Variants in IL13 observed in about 807,000 individuals in gnomAD.
The protein encoded by IL13 is interleukin-13.
In IL13, 9 loss-of-function variants were observed where a neutral mutation model predicts 11.1. That is an observed-to-expected ratio of 0.81 (90% confidence interval 0.49 to 1.42). The LOEUF is 1.42. Ranked by LOEUF, IL13 falls within the 40% of genes most tolerant of loss-of-function variation. The pLI, the probability that IL13 is intolerant of heterozygous loss-of-function variation, is 0.00. For synonymous variants in IL13, 75 were observed against 76.9 expected, an observed-to-expected ratio of 0.97 and a Z score of 0.13; for missense variants, 181 against 182.5, an observed-to-expected ratio of 0.99 and a Z score of 0.05.
In IL13 at chr5:132,659,970, G is replaced by GGGATTTACA; in HGVS notation, c.333+147_333+155dup. ...TTGTGGCAGCAGGGACGTGGCCTTCGGGATTTACAGGATCTGGGCTCAAGG... is the reference window on the plus strand; with the variant it reads ...TTGTGGCAGCAGGGACGTGGCCTTCGGGATTTACAGGATTTACAGGATCTGGGCTCAAGG... On this transcript the variant is annotated intron_variant, in intron 3 of 3. Transcript: ENST00000304506. The surrounding 1 kb of genome is among the most constrained non-coding windows in gnomAD (Gnocchi z 4.1). The GGGATTTACA allele has an allele frequency of 6.9e-7, 1 of 1,444,662 alleles. No individual in the cohort carries two copies. Among genetic ancestry groups the GGGATTTACA allele is most frequent in the Non-Finnish European group, 9.2e-7 (1 of 1,087,902 alleles). 89.5% of individuals were successfully genotyped at this position (1,444,662 alleles called of 1,614,324 possible). A position where few individuals can be genotyped will look rare whatever the true frequency, so the allele number is the denominator to read the frequency against.
rs1353978957 is a variant in IL13, at chr5:132,660,162, C to G, written c.334-13C>G. ...TGGCGTTCTACTCATGTGCTGACCT[C>G]TTTGTCCTGCAGCAGTTTTCCAGCT... On this transcript the variant is annotated splice_polypyrimidine_tract_variant and intron_variant, in intron 3 of 3. Coordinates refer to ENST00000304506, the MANE Select transcript of IL13 (RefSeq NM_002188.3). The G allele has an allele frequency of 6.2e-7, 1 of 1,613,572 alleles. No homozygotes were observed. Among genetic ancestry groups the G allele is most frequent in the East Asian group, 2.2e-5 (1 of 44,898 alleles).
Position 132,658,240 on chromosome 5 carries a change from G to C in IL13, c.54G>C (p.Leu18Phe). ...TGGCACTGGGCCTCATGGCGCTTTT[G>C]TTGACCACGGTCATTGCTCTCACTT... ...LLLALGLMAL[L>F]LTTVIALTCL... is the part of the protein sequence containing the mutation. Residue 18 changes from leucine to phenylalanine, a missense_variant, in exon 1 of 4, where the codon TTG becomes TTC. By Grantham distance (22) the Leu-to-Phe change is conservative. Transcript: ENST00000304506. 6.2e-7 allele frequency: 1 copy of C among 1,611,740 alleles called. No homozygotes were observed. Among genetic ancestry groups the C allele is most frequent in the Non-Finnish European group, 8.5e-7 (1 of 1,177,838 alleles).
chr5:132,658,463 G>A (rs1752082653), intron 1 of IL13, 103 bp downstream of exon 1: 2 of 666,798 alleles, frequency 3.0e-6, no homozygotes, highest in Admixed American at 3.1e-5. Context: ...GATGCCTGTA[G>A]GTCAGGAAAA....
intron 1 of IL13, chr5:132,658,638 C>A: frequency 2.5e-6 from 1 of 393,372 alleles, no homozygotes; most frequent in Non-Finnish European, 4.6e-6. Context: ...CTCAGCCATT[C>A]CTGAACAGAG....
chr5:132,658,524 C>CCA, intron 1 of IL13, 164 bp downstream of exon 1: 1 of 572,938 alleles, frequency 1.7e-6, no homozygotes, highest in African/African-American at 1.9e-5. Context: ...AGGAGCTGGG[C>CCA]TGGGGGGCTC....
chr5:132,659,238 CT>C lies in IL13; in HGVS notation c.175-179del, dbSNP rs1752099022. The C allele has an allele frequency of 1.6e-6, 1 of 622,400 alleles. No individual in the cohort carries two copies. The highest frequency in any genetic ancestry group is 1.8e-5 in the African/African-American group (1 of 54,664). The allele number at this position is 622,400 out of a possible 1,614,324, so 38.6% of individuals were successfully genotyped here. A position where few individuals can be genotyped will look rare whatever the true frequency, so the allele number is the denominator to read the frequency against. The stretch of plus-strand genomic sequence containing the variant: ...GACCCTAAACAGTGGGACCTCACCC[CT>C]ATGCCTGCTGTTCAAAGCAGAAAAC... On this transcript the variant is annotated intron_variant, in intron 1 of 3. Transcript: ENST00000304506. This position sits in a 1 kb window ranked among gnomAD's most constrained non-coding sequence, Gnocchi z 4.1.
rs1316648430 is a variant in IL13, at chr5:132,659,003, C to A, written c.175-415C>A. ...CATGCTCCTAACTGCAGTGTTCCCT[C>A]ACCATCAGAAGGCAGGGCATTTAAT... On this transcript the variant is annotated intron_variant, in intron 1 of 3. Transcript: ENST00000304506. This position sits in a 1 kb window ranked among gnomAD's most constrained non-coding sequence, Gnocchi z 4.1. The A allele has an allele frequency of 8.7e-6, 2 of 229,134 alleles. No homozygotes were observed. The highest frequency in any genetic ancestry group is 1.8e-5 in the Non-Finnish European group (2 of 112,406). The allele number at this position is 229,134 out of a possible 1,614,324, so 14.2% of individuals were successfully genotyped here.
rs2149873910 is a variant in IL13, at chr5:132,658,247, A to G, written c.61A>G (p.Thr21Ala). 2.5e-6 allele frequency: 4 copies of G among 1,610,836 alleles called. No homozygotes were observed. In the South Asian group the frequency reaches 4.4e-5, roughly 18 times the overall value. The change falls in exon 1 of 4, where the codon ACG (threonine) becomes GCG (alanine). Residue 21 changes from threonine (T) to alanine (A), a missense_variant. Transcript: ENST00000304506. ...ALGLMALLLT[T>A]VIALTCLGGF... ...GGGCCTCATGGCGCTTTTGTTGACC[A>G]CGGTCATTGCTCTCACTTGCCTTGG...
rs757742023 is a variant in IL13, at chr5:132,659,686, CA to C, written c.229-36del. ...TGCAGACTCACAAAAGGCAGCTGCC[CA>C]AGCAGGGCCTGACCCCTCGGTGTCC... On this transcript the variant is annotated intron_variant, in intron 2 of 3. Coordinates refer to ENST00000304506, the MANE Select transcript of IL13 (RefSeq NM_002188.3). The surrounding 1 kb of genome is among the most constrained non-coding windows in gnomAD (Gnocchi z 4.1). The C allele has an allele frequency of 6.2e-7, 1 of 1,606,100 alleles. No homozygotes were observed. Among genetic ancestry groups the C allele is most frequent in the Admixed American group, 1.7e-5 (1 of 59,762 alleles).
chr5:132,658,217 G>A lies in IL13; in HGVS notation c.31G>A (p.Ala11Thr). Residue 11 changes from alanine (A) to threonine (T), a missense_variant, in exon 1 of 4, where the codon GCA (alanine) becomes ACA (threonine). Transcript: ENST00000304506. Reference protein sequence around the residue: MHPLLNPLLLALGLMALLLTT... With the variant: MHPLLNPLLLTLGLMALLLTT... The stretch of plus-strand genomic sequence containing the variant: ...TCCGCTCCTCAATCCTCTCCTGTTG[G>A]CACTGGGCCTCATGGCGCTTTTGTT... 3.1e-6 allele frequency: 5 copies of A among 1,612,260 alleles called. No homozygotes were observed. The African/African-American group carries it at 4.0e-5, about 13-fold the overall frequency.
chr5:132,658,362 TGA>T lies in IL13; in HGVS notation c.174+4_174+5del. ...GTCAACATCACCCAGAACCAGAAGG[TGA>T]GTGTCGGCTAGCCAGGGTCCTAGCT... On this transcript the variant is annotated splice_donor_region_variant and intron_variant, in intron 1 of 3. Coordinates refer to ENST00000304506, the MANE Select transcript of IL13 (RefSeq NM_002188.3). 1 of 1,594,688 alleles carries T rather than the reference TGA, an allele frequency of 6.3e-7. No individual in the cohort carries two copies. Among genetic ancestry groups the T allele is most frequent in the Non-Finnish European group, 8.6e-7 (1 of 1,165,144 alleles).
chr5:132,658,159 G>A (rs199899897), upstream of IL13: 1 of 1,500,046 alleles, frequency 6.7e-7, no homozygotes, highest in Non-Finnish European at 9.1e-7. Flanking sequence ...GCTGCCACAA[G>A]ACGCCAAGGC....
chr5:132,659,186 G>T lies in IL13; in HGVS notation c.175-232G>T. 1.9e-6 allele frequency: 1 copy of T among 533,364 alleles called. No individual in the cohort carries two copies. The highest frequency in any genetic ancestry group is 3.1e-5 in the Admixed American group (1 of 31,996). The allele number at this position is 533,364 out of a possible 1,614,324, so 33.0% of individuals were successfully genotyped here. A position where few individuals can be genotyped will look rare whatever the true frequency, so the allele number is the denominator to read the frequency against. ...GCATGCAGCTTGTCCCTTACTAGTG[G>T]TGTCAATTTTTTTCTCTCAGCTCCA... On this transcript the variant is annotated intron_variant, in intron 1 of 3. Transcript: ENST00000304506. The surrounding 1 kb of genome is among the most constrained non-coding windows in gnomAD (Gnocchi z 4.1).
rs1352788391 is a variant in IL13 at position 132,659,214 on chromosome 5, A to C, written c.175-204A>C. ...TCAATTTTTTTCTCTCAGCTCCAAGACCCTAAACAGTGGGACCTCACCCCT... is the reference window on the plus strand; with the variant it reads ...TCAATTTTTTTCTCTCAGCTCCAAGCCCCTAAACAGTGGGACCTCACCCCT... On this transcript the variant is annotated intron_variant, in intron 1 of 3. Coordinates refer to ENST00000304506, the MANE Select transcript of IL13 (RefSeq NM_002188.3). This position sits in a 1 kb window ranked among gnomAD's most constrained non-coding sequence, Gnocchi z 4.1. The C allele has an allele frequency of 3.5e-6, 2 of 578,914 alleles. No individual in the cohort carries two copies. Among genetic ancestry groups the C allele is most frequent in the Non-Finnish European group, 6.3e-6 (2 of 317,084 alleles). 35.9% of individuals were successfully genotyped at this position (578,914 alleles called of 1,614,324 possible). A position where few individuals can be genotyped will look rare whatever the true frequency, so the allele number is the denominator to read the frequency against.
Position 132,658,347 on chromosome 5 carries a change from C to T in IL13, c.161C>T (p.Thr54Ile). The change falls in exon 1 of 4, where the codon ACC becomes ATC. Residue 54 changes from threonine (T) to isoleucine (I), a missense_variant. Thr to Ile is a moderately conservative substitution (Grantham distance 89, BLOSUM62 -1). Transcript: ENST00000304506. ...RELIEELVNITQNQKAPLCNG... is the reference protein window; with the variant it reads ...RELIEELVNIIQNQKAPLCNG... ...CTCATTGAGGAGCTGGTCAACATCA[C>T]CCAGAACCAGAAGGTGAGTGTCGGC... The T allele has an allele frequency of 1.9e-6, 3 of 1,607,268 alleles. No individual in the cohort carries two copies. Among genetic ancestry groups the T allele is most frequent in the Non-Finnish European group, 2.6e-6 (3 of 1,174,780 alleles).
chr5:132,660,276 C>T lies in IL13; in HGVS notation c.435C>T (p.Phe145=). The part of the protein sequence containing the change: ...HLKKLFREGQ[F]N Reference sequence around the variant, plus strand: ...AGAAACTTTTTCGCGAGGGACAGTTCAACTGAAACTTCGAAAGCATCATTA... The same window carrying T: ...AGAAACTTTTTCGCGAGGGACAGTTTAACTGAAACTTCGAAAGCATCATTA... The change falls in exon 4 of 4, where the codon TTC becomes TTT. Residue 145 remains phenylalanine (F), a synonymous_variant. Coordinates refer to ENST00000304506, the MANE Select transcript of IL13 (RefSeq NM_002188.3). 6.2e-7 allele frequency: 1 copy of T among 1,613,814 alleles called. No individual in the cohort carries two copies. Among genetic ancestry groups the T allele is most frequent in the Non-Finnish European group, 8.5e-7 (1 of 1,179,968 alleles).
chr5:132,658,716 C>A, intron 1 of IL13: 1 of 231,772 alleles, frequency 4.3e-6, no homozygotes, highest in East Asian at 9.9e-5. Flanking sequence ...TTGACCATAA[C>A]AATGCAGCCA....
At position 132,659,021 on chromosome 5, in the gene IL13, C is replaced by G. The variant is rs1752094166; in HGVS notation, c.175-397C>G. 1 of 242,386 alleles carries G rather than the reference C, an allele frequency of 4.1e-6. No individual in the cohort carries two copies. Among genetic ancestry groups the G allele is most frequent in the Non-Finnish European group, 8.3e-6 (1 of 120,076 alleles). 15.0% of individuals were successfully genotyped at this position (242,386 alleles called of 1,614,324 possible). ...GTTCCCTCACCATCAGAAGGCAGGG[C>G]ATTTAATACACCAGATCCCCACCGC... On this transcript the variant is annotated intron_variant, in intron 1 of 3. Coordinates refer to ENST00000304506, the MANE Select transcript of IL13 (RefSeq NM_002188.3). The surrounding 1 kb of genome is among the most constrained non-coding windows in gnomAD (Gnocchi z 4.1).
chr5:132,659,718 C>A lies in IL13; in HGVS notation c.229-6C>A, dbSNP rs73261671. On this transcript the variant is annotated splice_polypyrimidine_tract_variant and splice_region_variant and intron_variant, in intron 2 of 3. Transcript: ENST00000304506. The surrounding 1 kb of genome is among the most constrained non-coding windows in gnomAD (Gnocchi z 4.1). ...GGCCTGACCCCTCGGTGTCCCCTCC[C>A]CACAGTACTGTGCAGCCCTGGAATC... is the stretch of plus-strand genomic sequence containing the variant. 5.1e-5 allele frequency: 83 copies of A among 1,613,778 alleles called. 1 individual carries two copies. The African/African-American group carries it at 1.1e-3, about 21-fold the overall frequency.
Sources: allele counts gnomAD v4.1 joint callset, GRCh38; gene constraint gnomAD v4.1.1; non-coding constraint Gnocchi (gnomAD v3.1); transcripts MANE v1.5; gene names NCBI Gene and HGNC (gene_info 2026-07-23, HGNC 2026-07-21).